EMSY: variants seen among roughly 807,000 people sequenced by gnomAD.
EMSY encodes BRCA2-interacting transcriptional repressor EMSY.
Under a neutral mutation model 134.6 loss-of-function variants are expected in EMSY, and 26 were observed. The ratio of observed to expected loss-of-function variants is 0.19; its 90% confidence interval spans 0.14 to 0.27. The LOEUF (loss-of-function observed/expected upper bound fraction) is 0.27. EMSY is among the 10% of genes least tolerant of loss of function. The pLI is 1.00. For synonymous variants in EMSY, 579 were observed against 577.8 expected, an observed-to-expected ratio of 1.00 and a Z score of -0.03; for missense variants, 1,305 against 1,611.4, an observed-to-expected ratio of 0.81 and a Z score of 3.26.
intron 8 of EMSY, among the ~76,000 whole-genome samples, chr11:76,494,783 T>C (rs1949583099): frequency 6.6e-6 from 1 of 151,550 alleles, no homozygotes; most frequent in African/African-American, 2.4e-5. Context: ...TCGCCCAGGC[T>C]GGAGTGCAGT....
At chr11:76,508,856 C>T (rs1339019590) in intron 9 of EMSY, among the ~76,000 whole-genome samples, 1 of 152,198 alleles carries the variant, frequency 6.6e-6, no homozygotes, top group Non-Finnish European at 1.5e-5. Flanking sequence ...GCAGATTCCT[C>T]ACTCTCCTGG....
chr11:76,460,107 A>T (rs373792798), intron 6 of EMSY, 22 bp downstream of exon 7: 1 of 1,613,286 alleles, frequency 6.2e-7, no homozygotes, highest in Non-Finnish European at 8.5e-7. Context: ...TCTCAGTGTT[A>T]TCAGGGCCTT....
chr11:76,537,791 G>A lies in EMSY; in HGVS notation c.2360-4G>A. ...TTAACTTTTCCCCTGACTTTTTTAT[G>A]CAGTAAAGGAAAAATTGGAATCTAA... is the stretch of plus-strand genomic sequence containing the variant. On this transcript the variant is annotated splice_polypyrimidine_tract_variant and splice_region_variant and intron_variant, in intron 15 of 20. Coordinates refer to ENST00000334736, the Ensembl canonical transcript of EMSY. The A allele has an allele frequency of 6.3e-7, 1 of 1,589,644 alleles. No individual in the cohort carries two copies. Among genetic ancestry groups the A allele is most frequent in the Non-Finnish European group, 8.5e-7 (1 of 1,169,826 alleles).
chr11:76,469,136 C>A (rs1948474288), intron 7 of EMSY, among the ~76,000 whole-genome samples: 1 of 152,136 alleles, frequency 6.6e-6, no homozygotes, highest in Non-Finnish European at 1.5e-5. Flanking sequence ...ACTCTAGATT[C>A]ATTTTGCTGA....
At chr11:76,461,244 A>G (rs549219693) in intron 6 of EMSY, among the ~76,000 whole-genome samples, 1 of 151,946 alleles carries the variant, frequency 6.6e-6, no homozygotes, top group Admixed American at 6.6e-5. Context: ...TTTGATTTTC[A>G]TTTTTCTCAA....
rs529051324 is a variant in EMSY, at chr11:76,486,195, G to A, written c.1109-10020G>A. On this transcript the variant is annotated intron_variant, in intron 8 of 20. Transcript: ENST00000334736. ...ATATTCTCACTCATAAGTGGGAGTT[G>A]AACAATGAGAACACATGGACACAGG... Among the ~76,000 whole-genome samples, 7 of 152,102 alleles carry A rather than the reference G, an allele frequency of 4.6e-5. No homozygotes were observed. In the East Asian group the frequency reaches 1.4e-3, roughly 29 times the overall value.
intron 12 of EMSY, among the ~76,000 whole-genome samples, chr11:76,526,240 A>G (rs190144575): frequency 7.9e-5 from 12 of 152,322 alleles, no homozygotes; most frequent in Non-Finnish European, 1.8e-4. Flanking sequence ...CGCTCATCAG[A>G]GAATAATTAA....
intron 8 of EMSY, among the ~76,000 whole-genome samples, chr11:76,483,499 C>A (rs1949062496): frequency 6.6e-6 from 1 of 152,144 alleles, no homozygotes; most frequent in Non-Finnish European, 1.5e-5. Flanking sequence ...GTGCTGTATT[C>A]AGGAGACCCA....
chr11:76,546,277 C>A (rs750103173), exon 20 of EMSY: 2 of 1,609,368 alleles, frequency 1.2e-6, no homozygotes, highest in South Asian at 2.2e-5. Flanking sequence ...TGAAGAGAGT[C>A]CAGCAGAAAT....
At chr11:76,505,813 C>T (rs906582560) in intron 9 of EMSY, among the ~76,000 whole-genome samples, 5 of 151,632 alleles carry the variant, frequency 3.3e-5, no homozygotes, top group South Asian at 2.1e-4. Flanking sequence ...ACCAAGATCA[C>T]GCCCCTGCAC....
intron 19 of EMSY, 150 bp downstream of exon 20, chr11:76,544,972 A>G (rs1334379809): frequency 2.4e-6 from 2 of 844,062 alleles, no homozygotes; most frequent in Admixed American, 2.9e-5. Context: ...TTGCCCCATC[A>G]GAAGGTTGAC....
chr11:76,451,826 C>A (rs1453929380), intron 2 of EMSY, 32 bp from the exon 3 acceptor site: 2 of 1,411,456 alleles, frequency 1.4e-6, no homozygotes, highest in Admixed American at 2.4e-5. Flanking sequence ...ATATTAAAGG[C>A]CTATCTTGAT....
At chr11:76,449,230 G>A (rs1419731273) in intron 2 of EMSY, among the ~76,000 whole-genome samples, 1 of 152,100 alleles carries the variant, frequency 6.6e-6, no homozygotes, top group Non-Finnish European at 1.5e-5. Context: ...GAAGATCTAA[G>A]GATACCCATC....
chr11:76,455,096 G>A (rs1372201873), intron 4 of EMSY, among the ~76,000 whole-genome samples: 5 of 152,006 alleles, frequency 3.3e-5, no homozygotes, highest in African/African-American at 9.7e-5. Flanking sequence ...AAATATTTTT[G>A]GATAATATAT....
At chr11:76,486,889 T>A (rs1217983045) in intron 8 of EMSY, among the ~76,000 whole-genome samples, 1 of 152,224 alleles carries the variant, frequency 6.6e-6, no homozygotes, top group Non-Finnish European at 1.5e-5. Context: ...ATGATCTTAC[T>A]GAAGGACTAG....
intron 9 of EMSY, among the ~76,000 whole-genome samples, chr11:76,505,461 A>G (rs1487159174): frequency 1.3e-5 from 2 of 151,700 alleles, no homozygotes; most frequent in Non-Finnish European, 2.9e-5. Flanking sequence ...TTGTTGTAAA[A>G]CTATAAAAAT....
chr11:76,495,439 G>T (rs1949615166), intron 8 of EMSY, among the ~76,000 whole-genome samples: 1 of 152,160 alleles, frequency 6.6e-6, no homozygotes, highest in Non-Finnish European at 1.5e-5. Flanking sequence ...GATAGTTGAT[G>T]AATTCAGAAA....
intron 1 of EMSY, among the ~76,000 whole-genome samples, chr11:76,446,161 G>A (rs550411361): frequency 6.6e-6 from 1 of 151,904 alleles, no homozygotes; most frequent in Non-Finnish European, 1.5e-5. Context: ...GGTATTGCGC[G>A]TGCCCCCAGA....
chr11:76,515,959 T>C (rs987028993), intron 10 of EMSY, among the ~76,000 whole-genome samples, 183 bp from the exon 12 acceptor site: 1 of 152,228 alleles, frequency 6.6e-6, no homozygotes, highest in African/African-American at 2.4e-5. Context: ...TTGACTTGGC[T>C]GTAGTACTTG....
Sources: allele counts gnomAD v4.1 joint callset (sites outside exome capture counted in the v4.1 genomes callset), GRCh38; gene constraint gnomAD v4.1.1; transcripts MANE v1.5; gene names NCBI Gene and HGNC (gene_info 2026-07-23, HGNC 2026-07-21).